DNAJC3: variants seen among roughly 807,000 people sequenced by gnomAD.
DNAJC3 encodes dnaJ homolog subfamily C member 3.
DNAJC3 carries 38 observed loss-of-function variants against 68.6 expected under a neutral mutation model. The observed-to-expected ratio is 0.55, with a 90% CI of 0.43 to 0.73. The LOEUF is 0.73. Ranked by LOEUF, DNAJC3 falls within the 30% of genes least tolerant of loss-of-function variation. The probability of loss-of-function intolerance (pLI) is 0.00; values close to 1 mark genes in which losing one functional copy is unlikely to be tolerated. For missense variants in DNAJC3, 526 were observed against 591.9 expected (o/e 0.89, Z 1.16); for synonymous variants, 203 against 204.0 (o/e 1.00, Z 0.04).
intron 1 of DNAJC3, among the ~76,000 whole-genome samples, chr13:95,689,600 G>A (rs927027117): frequency 1.3e-5 from 2 of 150,806 alleles, no homozygotes; most frequent in African/African-American, 4.9e-5. Context: ...ATCTCATTTA[G>A]TTCATTCTGA....
intron 4 of DNAJC3, among the ~76,000 whole-genome samples, chr13:95,736,260 C>T (rs1163670041): frequency 6.6e-6 from 1 of 152,126 alleles, no homozygotes; most frequent in Non-Finnish European, 1.5e-5. Context: ...TAGTGTGATG[C>T]CTCCAGCTTT....
At chr13:95,785,601 G>A (rs755528005) in intron 9 of DNAJC3, among the ~76,000 whole-genome samples, 3 of 151,212 alleles carry the variant, frequency 2.0e-5, no homozygotes, top group Non-Finnish European at 4.4e-5. Flanking sequence ...TGGGACTACA[G>A]GCGTGCACCA....
intron 4 of DNAJC3, among the ~76,000 whole-genome samples, chr13:95,732,379 A>G (rs955938634): frequency 1.3e-5 from 2 of 152,162 alleles, no homozygotes; most frequent in African/African-American, 4.8e-5. Flanking sequence ...TTTCTGTTTC[A>G]GCCTTGGTAG....
At chr13:95,685,466 A>G (rs1033800809) in intron 1 of DNAJC3, among the ~76,000 whole-genome samples, 5 of 152,178 alleles carry the variant, frequency 3.3e-5, no homozygotes, top group Non-Finnish European at 7.3e-5. Flanking sequence ...GGTGGAAGGG[A>G]CTTGGCTTGT....
chr13:95,710,295 T>G (rs777492680), intron 2 of DNAJC3, among the ~76,000 whole-genome samples: 3 of 150,498 alleles, frequency 2.0e-5, no homozygotes. Flanking sequence ...CTGGAGTGCA[T>G]TGGTGTGATT....
chr13:95,741,980 G>A (rs1882159018), intron 4 of DNAJC3, among the ~76,000 whole-genome samples: 1 of 152,162 alleles, frequency 6.6e-6, no homozygotes, highest in African/African-American at 2.4e-5. Flanking sequence ...GTAAGGGTGG[G>A]GTGATCCCCA....
In DNAJC3 at chr13:95,790,895, CGGA is replaced by C; in HGVS notation, c.1382_1384del (p.Gly461del). On this transcript the variant is annotated inframe_deletion, in exon 12 of 12. Transcript: ENST00000602402. ...TAGAAATGAGAAAGAAGTTTGACGACGGAGAAGATCCTTTGGATGCAGAGAGCC... is the reference window on the plus strand; with the variant it reads ...TAGAAATGAGAAAGAAGTTTGACGACGAAGATCCTTTGGATGCAGAGAGCC... 1 of 1,606,672 alleles carries C rather than the reference CGGA, an allele frequency of 6.2e-7. No individual in the cohort carries two copies.
intron 4 of DNAJC3, among the ~76,000 whole-genome samples, chr13:95,738,254 A>G (rs947867542): frequency 2.0e-5 from 3 of 150,254 alleles, no homozygotes; most frequent in South Asian, 2.1e-4. Flanking sequence ...TATGTGGTCA[A>G]TTTTGGAATA....
chr13:95,756,580 T>C (rs1462115577), intron 4 of DNAJC3, among the ~76,000 whole-genome samples: 1 of 152,144 alleles, frequency 6.6e-6, no homozygotes, highest in African/African-American at 2.4e-5. Flanking sequence ...GTAGTGGGAG[T>C]ATATTTTAAA....
chr13:95,767,943 G>A (rs990084905), intron 9 of DNAJC3, among the ~76,000 whole-genome samples: 2 of 151,420 alleles, frequency 1.3e-5, no homozygotes, highest in African/African-American at 4.9e-5. Flanking sequence ...GACCTCATGC[G>A]ATCCACCCGC....
At chr13:95,680,423 C>T (rs1879882693) in intron 1 of DNAJC3, among the ~76,000 whole-genome samples, 1 of 152,060 alleles carries the variant, frequency 6.6e-6, no homozygotes, top group African/African-American at 2.4e-5. Flanking sequence ...TGAACCTAAC[C>T]TATTAAAGGT....
At chr13:95,733,827 C>G (rs1881795643) in intron 4 of DNAJC3, among the ~76,000 whole-genome samples, 1 of 148,038 alleles carries the variant, frequency 6.8e-6, no homozygotes, top group Non-Finnish European at 1.5e-5. Context: ...TGTCCCTTTA[C>G]TTTTAGTCTT....
At chr13:95,731,629 G>A (rs371630649) in intron 4 of DNAJC3, among the ~76,000 whole-genome samples, 3 of 152,132 alleles carry the variant, frequency 2.0e-5, no homozygotes, top group South Asian at 4.1e-4. Flanking sequence ...CCATTCTTGC[G>A]TCTCTGGGAT....
chr13:95,783,518 T>G (rs1427236384), intron 9 of DNAJC3, among the ~76,000 whole-genome samples: 1 of 152,220 alleles, frequency 6.6e-6, no homozygotes, highest in Non-Finnish European at 1.5e-5. Context: ...AGTTAAACCT[T>G]ACTACTGTTT....
intron 11 of DNAJC3, among the ~76,000 whole-genome samples, chr13:95,788,268 G>A (rs1164196689): frequency 2.0e-5 from 3 of 152,226 alleles, no homozygotes; most frequent in African/African-American, 7.2e-5. Context: ...GCCTTAAGCA[G>A]TTCAATCCTC....
chr13:95,753,027 G>C (rs1882529282), intron 4 of DNAJC3, among the ~76,000 whole-genome samples: 2 of 152,170 alleles, frequency 1.3e-5, no homozygotes, highest in Non-Finnish European at 2.9e-5. Flanking sequence ...GAGGTCTCTT[G>C]TGTATATTTC....
At position 95,778,166 on chromosome 13, in the gene DNAJC3, A is replaced by C. The variant is rs931923484; in HGVS notation, c.1076-7773A>C. 5.3e-5 allele frequency among the ~76,000 whole-genome samples: 8 copies of C among 152,214 alleles called. No homozygotes were observed. The South Asian group carries it at 8.3e-4, about 16-fold the overall frequency. ...TTTACTTTTCTGAAAATAGAAAAAA[A>C]CCCACAAAATTACATGAAACCTCAA... On this transcript the variant is annotated intron_variant, in intron 9 of 11. Transcript: ENST00000602402.
intron 9 of DNAJC3, 41 bp from the exon 10 acceptor site, chr13:95,785,898 T>A: frequency 6.6e-7 from 1 of 1,519,576 alleles, no homozygotes; most frequent in South Asian, 1.3e-5. Context: ...CAATAAATTA[T>A]AATTTGCCTT....
Position 95,727,140 on chromosome 13 carries a change from T to C in DNAJC3, c.393+1888T>C, listed in dbSNP as rs1050574009. ...ATTTGTCAAATGGATGAATGAATTA[T>C]AAAACATGAGAATGTGTTTCTGCTT... On this transcript the variant is annotated intron_variant, in intron 4 of 11. Coordinates refer to ENST00000602402, the MANE Select transcript of DNAJC3 (RefSeq NM_006260.5). Among the ~76,000 whole-genome samples the C allele has an allele frequency of 4.6e-5, 7 of 152,198 alleles. No homozygotes were observed. In the East Asian group the frequency reaches 1.3e-3, roughly 29 times the overall value.
Sources: gnomAD v4.1 joint callset for allele counts (sites outside exome capture counted in the v4.1 genomes callset) on GRCh38, gnomAD v4.1.1 for gene constraint, MANE v1.5 for transcripts, NCBI Gene and HGNC (gene_info 2026-07-23, HGNC 2026-07-21) for gene names.